ALG6: variants seen among roughly 807,000 people sequenced by gnomAD.
ALG6 encodes dolichyl pyrophosphate Man9GlcNAc2 alpha-1,3-glucosyltransferase.
ALG6 carries 46 observed loss-of-function variants against 66.6 expected under a neutral mutation model. The observed-to-expected ratio is 0.69, with a 90% CI of 0.55 to 0.88. ALG6 has a LOEUF of 0.88. ALG6 is among the 40% of genes least tolerant of loss of function. The pLI, the probability that ALG6 is intolerant of heterozygous loss-of-function variation, is 0.00. For synonymous variants in ALG6, 185 were observed against 203.7 expected, an observed-to-expected ratio of 0.91 and a Z score of 0.78; for missense variants, 505 against 586.8, an observed-to-expected ratio of 0.86 and a Z score of 1.44.
chr1:63,401,253 A>C (rs1400249192), intron 3 of ALG6, among the ~76,000 whole-genome samples: 3 of 152,218 alleles, frequency 2.0e-5, no homozygotes, highest in Admixed American at 6.5e-5. Context: ...GACACTAAGA[A>C]TAGACCTTCC....
chr1:63,411,027 C>G, intron 7 of ALG6, 119 bp from the exon 8 acceptor site: 3 of 954,764 alleles, frequency 3.1e-6, no homozygotes. Flanking sequence ...ATTTTAAAAT[C>G]ACATAAGAGA....
intron 11 of ALG6, among the ~76,000 whole-genome samples, chr1:63,418,270 A>C (rs1393287194): frequency 6.7e-6 from 1 of 148,644 alleles, no homozygotes; most frequent in African/African-American, 2.4e-5. Context: ...TTTATTATTA[A>C]ATATTAAATT....
At chr1:63,426,464 T>C (rs1644615977) in intron 12 of ALG6, among the ~76,000 whole-genome samples, 1 of 152,134 alleles carries the variant, frequency 6.6e-6, no homozygotes, top group Non-Finnish European at 1.5e-5. Flanking sequence ...ATTTCACTGT[T>C]TGGTGATGAA....
intron 2 of ALG6, among the ~76,000 whole-genome samples, chr1:63,389,627 A>C (rs1648609247): frequency 6.6e-6 from 1 of 152,074 alleles, no homozygotes; most frequent in Non-Finnish European, 1.5e-5. Flanking sequence ...GGATGGTCTT[A>C]ATGCTTGTGG....
At chr1:63,390,303 T>A (rs1251020505) in intron 2 of ALG6, among the ~76,000 whole-genome samples, 1 of 152,204 alleles carries the variant, frequency 6.6e-6, no homozygotes, top group East Asian at 1.9e-4. Flanking sequence ...TGTGCTCCAC[T>A]GTGGCCTGAA....
intron 12 of ALG6, among the ~76,000 whole-genome samples, chr1:63,425,543 A>G (rs1644610778): frequency 6.6e-6 from 1 of 152,208 alleles, no homozygotes; most frequent in Non-Finnish European, 1.5e-5. Context: ...AGGAGGGAGA[A>G]GTGTGAAACA....
In ALG6 at chr1:63,370,965, A is replaced by C; in HGVS notation, c.-13A>C. The C allele has an allele frequency of 6.3e-7, 1 of 1,575,388 alleles. No homozygotes were observed. The highest frequency in any genetic ancestry group is 1.1e-5 in the South Asian group (1 of 90,356). On this transcript the variant is annotated 5_prime_UTR_variant, in exon 2 of 15. Transcript: ENST00000263440. ...GTGCTGTGTTTTCTTCCCCTCCCTA[A>C]ATTTGAAGAACTATGGAGAAATGGT... is the stretch of plus-strand genomic sequence containing the variant.
Position 63,370,975 on chromosome 1 carries a change from A to G in ALG6, c.-3A>G. 2 of 1,597,650 alleles carry G rather than the reference A, an allele frequency of 1.3e-6. No homozygotes were observed. Among genetic ancestry groups the G allele is most frequent in the Non-Finnish European group, 1.7e-6 (2 of 1,165,058 alleles). On this transcript the variant is annotated 5_prime_UTR_variant, in exon 2 of 15. Coordinates refer to ENST00000263440, the MANE Select transcript of ALG6 (RefSeq NM_013339.4). ...TTCTTCCCCTCCCTAAATTTGAAGA[A>G]CTATGGAGAAATGGTACTTGATGAC...
intron 10 of ALG6, 151 bp downstream of exon 10, chr1:63,414,297 G>C (rs1644531465): frequency 1.7e-6 from 1 of 588,610 alleles, no homozygotes; most frequent in African/African-American, 1.9e-5. Flanking sequence ...TGTCACCCAG[G>C]TTGGAGTGCA....
intron 8 of ALG6, 109 bp from the exon 9 acceptor site, chr1:63,411,817 T>C: frequency 6.9e-7 from 1 of 1,444,228 alleles, no homozygotes; most frequent in Admixed American, 1.7e-5. Context: ...GTAACATAGA[T>C]TTGGCATTAC....
At chr1:63,419,747 G>A (rs902274598) in intron 12 of ALG6, among the ~76,000 whole-genome samples, 5 of 152,124 alleles carry the variant, frequency 3.3e-5, no homozygotes, top group Non-Finnish European at 5.9e-5. Context: ...GAGCCTGTTT[G>A]TCATCTTTGC....
intron 12 of ALG6, chr1:63,428,452 A>G: frequency 3.8e-6 from 1 of 261,266 alleles, no homozygotes; most frequent in Non-Finnish European, 7.1e-6. Flanking sequence ...CCTTTTCTTA[A>G]GCTACTTGTT....
chr1:63,406,280 T>G (rs773273536), intron 5 of ALG6, 37 bp from the exon 6 acceptor site: 1 of 1,567,686 alleles, frequency 6.4e-7, no homozygotes, highest in East Asian at 2.2e-5. Flanking sequence ...TAAATCCTGA[T>G]GGACTCATGT....
At chr1:63,383,689 A>G (rs1648410223) in intron 2 of ALG6, among the ~76,000 whole-genome samples, 1 of 152,250 alleles carries the variant, frequency 6.6e-6, no homozygotes. Flanking sequence ...CATTCCATTT[A>G]TACTTTCAGT....
intron 11 of ALG6, among the ~76,000 whole-genome samples, chr1:63,417,458 A>G (rs530317026): frequency 1.3e-5 from 2 of 152,172 alleles, no homozygotes; most frequent in African/African-American, 4.8e-5. Context: ...GATTTTTGTT[A>G]TTTTGTTTTT....
intron 14 of ALG6, among the ~76,000 whole-genome samples, chr1:63,434,809 C>T (rs1304079670): frequency 3.3e-5 from 5 of 152,086 alleles, no homozygotes; most frequent in Admixed American, 6.5e-5. Context: ...CTGGATGACT[C>T]ACTAAGGGTA....
At chr1:63,417,793 A>C (rs1310959977) in intron 11 of ALG6, among the ~76,000 whole-genome samples, 1 of 152,162 alleles carries the variant, frequency 6.6e-6, no homozygotes, top group Non-Finnish European at 1.5e-5. Context: ...ACAATAAACA[A>C]GATAAATCCA....
chr1:63,384,972 T>A (rs1268195115), intron 2 of ALG6, among the ~76,000 whole-genome samples: 1 of 152,128 alleles, frequency 6.6e-6, no homozygotes, highest in African/African-American at 2.4e-5. Context: ...CTTTTGTGGT[T>A]CCATATAAAT....
At chr1:63,393,750 A>C (rs750191768) in intron 2 of ALG6, among the ~76,000 whole-genome samples, 31 of 152,192 alleles carry the variant, frequency 2.0e-4, no homozygotes, top group Non-Finnish European at 3.7e-4. Flanking sequence ...TGCCATCACA[A>C]ATTAATGTTG....
Sources: allele counts gnomAD v4.1 joint callset (sites outside exome capture counted in the v4.1 genomes callset), GRCh38; gene constraint gnomAD v4.1.1; transcripts MANE v1.5; gene names NCBI Gene and HGNC (gene_info 2026-07-23, HGNC 2026-07-21).